Variants in MGRN1 observed in about 807,000 individuals in gnomAD.
MGRN1 encodes the protein mahogunin ring finger 1, also known as E3 ubiquitin-protein ligase MGRN1.
MGRN1 carries 29 observed loss-of-function variants against 69.2 expected under a neutral mutation model. The observed-to-expected ratio is 0.42, with a 90% CI of 0.31 to 0.57. MGRN1 has a LOEUF of 0.57. Among genes scored for constraint, MGRN1 ranks in the 20% least tolerant of loss-of-function variants. The probability of loss-of-function intolerance (pLI) is 0.15; values close to 1 mark genes in which losing one functional copy is unlikely to be tolerated. For missense variants in MGRN1, 998 were observed against 796.2 expected, an observed-to-expected ratio of 1.25 and a Z score of -3.05; for synonymous variants, 470 against 344.2, an observed-to-expected ratio of 1.37 and a Z score of -4.04.
intron 16 of MGRN1, chr16:4,687,532 C>T: frequency 1.0e-6 from 1 of 970,268 alleles, no homozygotes; most frequent in East Asian, 1.1e-4. Flanking sequence ...ACACACACAC[C>T]CACCCACCCA....
At chr16:4,675,299 C>A (rs1013788276) in intron 10 of MGRN1, among the ~76,000 whole-genome samples, 6 of 152,018 alleles carry the variant, frequency 3.9e-5, no homozygotes, top group Non-Finnish European at 8.8e-5. Context: ...TTTGTAGAGA[C>A]AGGGTCTTGC....
rs527856651 is a variant in MGRN1, at chr16:4,641,052, A to G, written c.89-9313A>G. On this transcript the variant is annotated intron_variant, in intron 1 of 16. Coordinates refer to ENST00000262370, the MANE Select transcript of MGRN1 (RefSeq NM_015246.4). ...GGTGTGGTTCCACCTGCGTTCTTTCACCTCCACAGCTGCCTTCCCACTTCC... is the reference window on the plus strand; with the variant it reads ...GGTGTGGTTCCACCTGCGTTCTTTCGCCTCCACAGCTGCCTTCCCACTTCC... Among the ~76,000 whole-genome samples, 84 of 151,820 alleles carry G rather than the reference A, an allele frequency of 5.5e-4. No individual in the cohort carries two copies. In the South Asian group the frequency reaches 0.017, roughly 30 times the overall value.
intron 1 of MGRN1, among the ~76,000 whole-genome samples, chr16:4,626,674 T>C (rs1396408218): frequency 1.3e-5 from 2 of 152,244 alleles, no homozygotes; most frequent in Non-Finnish European, 2.9e-5. Flanking sequence ...TGAGCTCACT[T>C]GATGTCCGTT....
intron 9 of MGRN1, 116 bp downstream of exon 9, chr16:4,671,575 C>G (rs11645313): frequency 3.5e-6 from 3 of 860,036 alleles, no homozygotes; most frequent in African/African-American, 3.4e-5. Flanking sequence ...CCTAGACCCG[C>G]TAGACAACAT....
intron 8 of MGRN1, among the ~76,000 whole-genome samples, chr16:4,669,948 G>A (rs948019605): frequency 6.8e-6 from 1 of 147,416 alleles, no homozygotes; most frequent in Non-Finnish European, 1.5e-5. Flanking sequence ...CTAGGCCACA[G>A]CTAACAGTTA....
At chr16:4,677,273 C>T (rs1307294028) in intron 10 of MGRN1, 190 bp from the exon 11 acceptor site, 2 of 451,090 alleles carry the variant, frequency 4.4e-6, no homozygotes, top group Non-Finnish European at 3.9e-6. Flanking sequence ...CTTTCTTCCC[C>T]CATCTTTCCT....
intron 1 of MGRN1, among the ~76,000 whole-genome samples, chr16:4,628,229 A>G (rs977334923): frequency 2.0e-5 from 3 of 151,832 alleles, no homozygotes; most frequent in Non-Finnish European, 4.4e-5. Flanking sequence ...TACTAAAAAT[A>G]CAAAAAATTA....
chr16:4,648,626 C>T (rs537304892), intron 1 of MGRN1, among the ~76,000 whole-genome samples: 65 of 95,926 alleles, frequency 6.8e-4, no homozygotes, highest in African/African-American at 3.3e-3. Flanking sequence ...GTCCTCCTCC[C>T]GGGACTCTTC....
chr16:4,658,668 C>T (rs145521329), intron 5 of MGRN1, among the ~76,000 whole-genome samples: 2 of 151,884 alleles, frequency 1.3e-5, no homozygotes, highest in East Asian at 2.0e-4. Context: ...GTGTTCCTGA[C>T]GTTTAGCCAC....
chr16:4,627,732 G>A (rs1181962647), intron 1 of MGRN1, among the ~76,000 whole-genome samples: 2 of 151,598 alleles, frequency 1.3e-5, no homozygotes, highest in Admixed American at 6.6e-5. Flanking sequence ...GGAGGCTGCA[G>A]TGAGCCGAGA....
In MGRN1 at chr16:4,652,360, G is replaced by GC. The variant is rs879654986; in HGVS notation, c.297-311dup. On this transcript the variant is annotated intron_variant, in intron 3 of 16. Transcript: ENST00000262370. Reference sequence around the variant, plus strand: ...CAGACTTCCTGCCATGCACAGGACGGCCCCCCCACAGACAGGAATGACCCA... The same window carrying GC: ...CAGACTTCCTGCCATGCACAGGACGGCCCCCCCCACAGACAGGAATGACCCA... Among the ~76,000 whole-genome samples the GC allele has an allele frequency of 1.9e-4, 29 of 152,062 alleles. 1 individual carries two copies. The South Asian group carries it at 2.1e-3, about 11-fold the overall frequency.
chr16:4,673,470 G>C (rs973251194), intron 9 of MGRN1, 28 bp from the exon 10 acceptor site: 3 of 1,605,950 alleles, frequency 1.9e-6, no homozygotes, highest in South Asian at 2.2e-5. Context: ...TTGGGAGGCT[G>C]CTGACCCACA....
rs1384492027 is a variant in MGRN1, at chr16:4,688,752, C to G, written c.1619-44C>G. On this transcript the variant is annotated intron_variant, in intron 16 of 16. Coordinates refer to ENST00000262370, the MANE Select transcript of MGRN1 (RefSeq NM_015246.4). ...TCGGTAGGAGCGGGTGGCGTGGCAC[C>G]AGGCATCCGAGTGTGACCCTCCTCC... 3.3e-6 allele frequency: 5 copies of G among 1,511,278 alleles called. No homozygotes were observed. The South Asian group carries it at 6.1e-5, about 19-fold the overall frequency. 93.6% of individuals were successfully genotyped at this position (1,511,278 alleles called of 1,614,324 possible). A position where few individuals can be genotyped will look rare whatever the true frequency, so the allele number is the denominator to read the frequency against.
chr16:4,652,604 C>A, intron 3 of MGRN1, 74 bp from the exon 4 acceptor site: 1 of 1,519,378 alleles, frequency 6.6e-7, no homozygotes, highest in Non-Finnish European at 8.9e-7. Flanking sequence ...GGCCCCTCAG[C>A]CTGGCAGGGG....
rs112922450 is a variant in MGRN1, at chr16:4,648,936, G to C, written c.89-1429G>C. On this transcript the variant is annotated intron_variant, in intron 1 of 16. Coordinates refer to ENST00000262370, the MANE Select transcript of MGRN1 (RefSeq NM_015246.4). ...GGGGACTCTTCCCGTGGTCACCCGG[G>C]TCCTCCTCTCCGGGGCTGTGTGCCA... is the stretch of plus-strand genomic sequence containing the variant. The C allele has an allele frequency of 3.6e-4, 58 of 159,702 alleles. 2 individuals carry two copies. Among genetic ancestry groups the C allele is most frequent in the South Asian group, 5.8e-4 (4 of 6,896 alleles). 9.9% of individuals were successfully genotyped at this position (159,702 alleles called of 1,614,324 possible). A position where few individuals can be genotyped will look rare whatever the true frequency, so the allele number is the denominator to read the frequency against.
At chr16:4,681,298 G>A (rs1432578531) in intron 12 of MGRN1, 12 of 522,314 alleles carry the variant, frequency 2.3e-5, no homozygotes, top group Non-Finnish European at 3.4e-5. Context: ...GGGCTGGGGC[G>A]GTTCTTGGCA....
At chr16:4,656,717 C>G (rs2078547697) in intron 4 of MGRN1, among the ~76,000 whole-genome samples, 2 of 151,884 alleles carry the variant, frequency 1.3e-5, no homozygotes, top group Admixed American at 1.3e-4. Flanking sequence ...CCCATCTGTA[C>G]TAAAAATAAA....
At chr16:4,685,364 C>A (rs1326386450) in intron 16 of MGRN1, among the ~76,000 whole-genome samples, 2 of 152,200 alleles carry the variant, frequency 1.3e-5, no homozygotes, top group East Asian at 3.9e-4. Context: ...ACAGAGGAGG[C>A]CCACACAGAG....
chr16:4,673,828 CGTGAGAGAGCTGGCAGGGACGCTA>C (rs2078995913), intron 10 of MGRN1, among the ~76,000 whole-genome samples, 171 bp downstream of exon 10: 1 of 152,124 alleles, frequency 6.6e-6, no homozygotes, highest in South Asian at 2.1e-4. Context: ...AGTCAGTCAC[CGTGAGAGAGCTGGCAGGGACGCTA>C]GCACGGGGCA....
Sources: gnomAD v4.1 joint callset for allele counts (sites outside exome capture counted in the v4.1 genomes callset) on GRCh38, gnomAD v4.1.1 for gene constraint, MANE v1.5 for transcripts, NCBI Gene and HGNC (gene_info 2026-07-23, HGNC 2026-07-21) for gene names.